The following GRIP1 variants were observed in gnomAD, a reference collection of about 807,000 sequenced individuals.
GRIP1 encodes glutamate receptor-interacting protein 1.
GRIP1 carries 45 observed loss-of-function variants against 129.9 expected under a neutral mutation model. That is an observed-to-expected ratio of 0.35 (90% CI 0.27 to 0.44). GRIP1 has a LOEUF of 0.44. Ranked by LOEUF, GRIP1 falls within the 20% of genes least tolerant of loss-of-function variation. GRIP1 has a pLI of 1.00. For missense variants in GRIP1, 1,196 were observed against 1,396.8 expected (o/e 0.86, Z 2.29); for synonymous variants, 530 against 520.8 (o/e 1.02, Z -0.24).
intron 1 of GRIP1, among the ~76,000 whole-genome samples, chr12:66,778,247 C>A (rs886121550): frequency 6.6e-6 from 1 of 151,916 alleles, no homozygotes. Context: ...AACAATAAAA[C>A]GATCTCTCCA....
At chr12:66,898,715 C>A (rs771134187) in intron 1 of GRIP1, among the ~76,000 whole-genome samples, 2 of 152,082 alleles carry the variant, frequency 1.3e-5, no homozygotes, top group Non-Finnish European at 2.9e-5. Context: ...AATTTACAAT[C>A]CCTTATCGTT....
intron 1 of GRIP1, among the ~76,000 whole-genome samples, chr12:66,831,171 A>G (rs1330729629): frequency 2.0e-5 from 3 of 152,094 alleles, no homozygotes; most frequent in African/African-American, 4.8e-5. Flanking sequence ...GAACCATCTG[A>G]AACTATTGCT....
rs143480291 is a variant in GRIP1 at position 66,929,760 on chromosome 12, T to G, written c.58+139290A>C. 1.1e-4 allele frequency among the ~76,000 whole-genome samples: 16 copies of G among 152,328 alleles called. No homozygotes were observed. In the East Asian group the frequency reaches 2.5e-3, roughly 24 times the overall value. ...GAGGATACTGACAACAAGAAACTTGTCTTATTCACATTTGCATTCCTACAT... is the reference window on the plus strand; with the variant it reads ...GAGGATACTGACAACAAGAAACTTGGCTTATTCACATTTGCATTCCTACAT... On this transcript the variant is annotated intron_variant, in intron 1 of 1. Coordinates refer to the GRIP1 transcript ENST00000643019.
intron 1 of GRIP1, among the ~76,000 whole-genome samples, chr12:66,652,396 T>G (rs1406884463): frequency 6.6e-6 from 1 of 152,206 alleles, no homozygotes; most frequent in African/African-American, 2.4e-5. Context: ...CTGCCATGAT[T>G]GTAAGTTTCC....
rs1265394650 is a variant in GRIP1 at position 66,379,262 on chromosome 12, A to C, written c.2621+18T>G. 10 of 1,612,268 alleles carry C rather than the reference A, an allele frequency of 6.2e-6. No individual in the cohort carries two copies. In the African/African-American group the frequency reaches 6.7e-5, roughly 11 times the overall value. On this transcript the variant is annotated intron_variant, in intron 20 of 24. Transcript: ENST00000359742. The stretch of plus-strand genomic sequence containing the variant: ...ATGCAGTCATCTTGGATGAGGCAGC[A>C]TTGGTTGAAAACCTTACCCACTGGC...
rs548871875 is a variant in GRIP1, at chr12:66,475,787, A to G, written c.725-10365T>C. Among the ~76,000 whole-genome samples the G allele has an allele frequency of 5.3e-5, 8 of 152,358 alleles. No individual in the cohort carries two copies. In the South Asian group the frequency reaches 6.2e-4, roughly 12 times the overall value. On this transcript the variant is annotated intron_variant, in intron 7 of 24. Transcript: ENST00000359742. ...GATGTTCTTTGAAACCAATGAGAAC[A>G]AAGACACAACATACCAGAATCTCTG...
At chr12:66,372,153 C>T (rs2055541298) in intron 22 of GRIP1, 46 of 595,648 alleles carry the variant, frequency 7.7e-5, no homozygotes, top group South Asian at 4.6e-4. Flanking sequence ...GTACTTAAGC[C>T]ATTGAGTTTA....
At position 66,349,126 on chromosome 12, in the gene GRIP1, C is replaced by T; in HGVS notation, c.3280G>A (p.Asp1094Asn). Residue 1094 changes from aspartate to asparagine, a missense_variant, in exon 25 of 25, where the codon GAC (aspartate) becomes AAC (asparagine). By Grantham distance (23) the Asp-to-Asn change is conservative (BLOSUM62 1). Coordinates refer to ENST00000359742, the MANE Select transcript of GRIP1 (RefSeq NM_001366722.1). ...RNPLASQKSI[D>N]QQSLPGDWSE... Reference sequence around the variant, plus strand: ...CAATCTCCTGGTAGACTCTGTTGGTCTATAGACTTCTGTGAAGCCAGTGGG... The same window carrying T: ...CAATCTCCTGGTAGACTCTGTTGGTTTATAGACTTCTGTGAAGCCAGTGGG... 1 of 1,614,024 alleles carries T rather than the reference C, an allele frequency of 6.2e-7. No individual in the cohort carries two copies. Among genetic ancestry groups the T allele is most frequent in the Non-Finnish European group, 8.5e-7 (1 of 1,179,898 alleles).
intron 7 of GRIP1, among the ~76,000 whole-genome samples, chr12:66,468,890 T>C (rs975829501): frequency 2.6e-5 from 4 of 152,224 alleles, no homozygotes; most frequent in African/African-American, 9.6e-5. Context: ...CCACAGCTTC[T>C]ACAGTATGCT....
intron 1 of GRIP1, among the ~76,000 whole-genome samples, chr12:67,022,145 A>T (rs2042876909): frequency 6.6e-6 from 1 of 152,140 alleles, no homozygotes; most frequent in Non-Finnish European, 1.5e-5. Flanking sequence ...GATCTCTTCC[A>T]TATACTCTAT....
At position 66,637,795 on chromosome 12, in the gene GRIP1, G is replaced by A. The variant is rs527320207; in HGVS notation, c.56-40868C>T. On this transcript the variant is annotated intron_variant, in intron 1 of 24. Transcript: ENST00000359742. Reference sequence around the variant, plus strand: ...GTCTATCATATGATAATGCAGGAGAGAGAGAAATGGAAGGTCATAAATAAA... The same window carrying A: ...GTCTATCATATGATAATGCAGGAGAAAGAGAAATGGAAGGTCATAAATAAA... 2.9e-3 allele frequency among the ~76,000 whole-genome samples: 437 copies of A among 152,248 alleles called. 2 individuals are homozygous for A. The highest frequency in any genetic ancestry group is 3.9e-3 in the Non-Finnish European group (264 of 68,014).
At chr12:66,433,178 G>A (rs1293300181) in intron 13 of GRIP1, among the ~76,000 whole-genome samples, 2 of 152,178 alleles carry the variant, frequency 1.3e-5, no homozygotes, top group African/African-American at 4.8e-5. Flanking sequence ...TGATTGGGCA[G>A]TGAGAGTGGG....
chr12:66,432,436 A>T lies in GRIP1; in HGVS notation c.1768+112T>A, dbSNP rs60479767. 1.3e-3 allele frequency: 850 copies of T among 667,482 alleles called. 5 individuals are homozygous for T. The African/African-American group carries it at 0.014, about 11-fold the overall frequency. The allele number at this position is 667,482 out of a possible 1,614,324, so 41.3% of individuals were successfully genotyped here. On this transcript the variant is annotated intron_variant, in intron 14 of 24. Coordinates refer to ENST00000359742, the MANE Select transcript of GRIP1 (RefSeq NM_001366722.1). ...ACTGACTCCACATTTTTGTATCATG[A>T]TATAAAAACTTCGCAAAGACATATA...
intron 2 of GRIP1, among the ~76,000 whole-genome samples, chr12:66,591,195 G>A (rs1375752937): frequency 6.6e-6 from 1 of 152,192 alleles, no homozygotes; most frequent in Non-Finnish European, 1.5e-5. Flanking sequence ...AGACATGGGA[G>A]AGGGACAGAA....
chr12:66,763,808 G>A (rs371144312), intron 1 of GRIP1, among the ~76,000 whole-genome samples: 2 of 152,124 alleles, frequency 1.3e-5, no homozygotes, highest in African/African-American at 4.8e-5. Context: ...AATCACCAAC[G>A]ACACTGCTAT....
intron 1 of GRIP1, among the ~76,000 whole-genome samples, chr12:67,023,634 G>C (rs1419638104): frequency 6.6e-6 from 1 of 150,614 alleles, no homozygotes; most frequent in Non-Finnish European, 1.5e-5. Context: ...TCATCAGTTT[G>C]TCAATTTCTA....
chr12:66,590,070 C>G (rs958581945), intron 2 of GRIP1, among the ~76,000 whole-genome samples: 1 of 152,008 alleles, frequency 6.6e-6, no homozygotes, highest in Non-Finnish European at 1.5e-5. Flanking sequence ...TATCCTCAGT[C>G]GGCCTCTAAA....
At chr12:66,358,266 GAAGT>G (rs1193926683) in intron 23 of GRIP1, among the ~76,000 whole-genome samples, 1 of 152,054 alleles carries the variant, frequency 6.6e-6, no homozygotes. Flanking sequence ...TTGGCCACAG[GAAGT>G]CTTTCCTGTG....
At chr12:66,365,587 A>G (rs1275552830) in intron 23 of GRIP1, among the ~76,000 whole-genome samples, 1 of 152,228 alleles carries the variant, frequency 6.6e-6, no homozygotes, top group African/African-American at 2.4e-5. Flanking sequence ...GCCAAACTCC[A>G]ATCCTTGTTC....
Sources: gnomAD v4.1 joint callset for allele counts (sites outside exome capture counted in the v4.1 genomes callset) on GRCh38, gnomAD v4.1.1 for gene constraint, MANE v1.5 for transcripts, NCBI Gene and HGNC (gene_info 2026-07-23, HGNC 2026-07-21) for gene names.